The following ENAH variants were observed in gnomAD, a reference collection of about 807,000 sequenced individuals.
ENAH encodes the protein ENAH actin regulator.
In ENAH, 23 loss-of-function variants were observed where a neutral mutation model predicts 78.7. The observed-to-expected ratio is 0.29, with a 90% CI of 0.21 to 0.41. ENAH has a LOEUF of 0.41. Ranked by LOEUF, ENAH falls within the 10% of genes least tolerant of loss-of-function variation. ENAH has a pLI of 1.00. For missense variants in ENAH, 544 were observed against 691.0 expected, an observed-to-expected ratio of 0.79 and a Z score of 2.39; for synonymous variants, 226 against 241.0, an observed-to-expected ratio of 0.94 and a Z score of 0.58.
chr1:225,562,029 C>T (rs2096708745), intron 2 of ENAH, among the ~76,000 whole-genome samples: 1 of 152,036 alleles, frequency 6.6e-6, no homozygotes, highest in South Asian at 2.1e-4. Flanking sequence ...TTAACATCTC[C>T]ATCCTGCCTC....
chr1:225,535,874 A>G (rs912848145), intron 3 of ENAH, among the ~76,000 whole-genome samples: 1 of 152,124 alleles, frequency 6.6e-6, no homozygotes, highest in South Asian at 2.1e-4. Flanking sequence ...TTAGGGTTAT[A>G]TATTTTTAAA....
rs534333826 is a variant in ENAH, at chr1:225,540,018, A to G, written c.350-9380T>C. On this transcript the variant is annotated intron_variant, in intron 3 of 13. Coordinates refer to ENST00000366843, the MANE Select transcript of ENAH (RefSeq NM_018212.6). ...GAGATTTGAAAGGAGAGAAGTATAAATATAAAATTAGATAATATCAGATTT... is the reference window on the plus strand; with the variant it reads ...GAGATTTGAAAGGAGAGAAGTATAAGTATAAAATTAGATAATATCAGATTT... Among the ~76,000 whole-genome samples the G allele has an allele frequency of 5.9e-5, 9 of 152,364 alleles. No individual in the cohort carries two copies. In the East Asian group the frequency reaches 1.7e-3, roughly 29 times the overall value.
Position 225,604,015 on chromosome 1 carries a change from T to G in ENAH, c.6-36601A>C, listed in dbSNP as rs987316566. Among the ~76,000 whole-genome samples the G allele has an allele frequency of 3.9e-5, 6 of 152,214 alleles. No individual in the cohort carries two copies. The South Asian group carries it at 1.2e-3, about 32-fold the overall frequency. On this transcript the variant is annotated intron_variant, in intron 1 of 13. Coordinates refer to ENST00000366843, the MANE Select transcript of ENAH (RefSeq NM_018212.6). Reference sequence around the variant, plus strand: ...AGGGGTCACTCATTCTAAATCTTATTTATTCAAAACTTTTTGTGAGTGCTA... The same window carrying G: ...AGGGGTCACTCATTCTAAATCTTATGTATTCAAAACTTTTTGTGAGTGCTA...
chr1:225,598,163 C>A (rs2096911815), intron 1 of ENAH, among the ~76,000 whole-genome samples: 1 of 152,150 alleles, frequency 6.6e-6, no homozygotes, highest in African/African-American at 2.4e-5. Context: ...TGGTAGAGTT[C>A]TTCCACTTAC....
intron 1 of ENAH, among the ~76,000 whole-genome samples, chr1:225,634,392 A>T (rs1659671156): frequency 6.6e-6 from 1 of 152,288 alleles, no homozygotes; most frequent in South Asian, 2.1e-4. Context: ...GCCCTCATAA[A>T]CATCTGGCAG....
chr1:225,531,520 C>T (rs139996416), intron 3 of ENAH, among the ~76,000 whole-genome samples: 1 of 152,162 alleles, frequency 6.6e-6, no homozygotes, highest in Non-Finnish European at 1.5e-5. Flanking sequence ...ATCTTAAAGT[C>T]TAATCCAGTA....
At chr1:225,534,883 C>G (rs1037590886) in intron 3 of ENAH, among the ~76,000 whole-genome samples, 1 of 151,972 alleles carries the variant, frequency 6.6e-6, no homozygotes, top group Non-Finnish European at 1.5e-5. Flanking sequence ...AAGTGACATA[C>G]CTGGTTTGTC....
At position 225,570,950 on chromosome 1, in the gene ENAH, C is replaced by T. The variant is rs541410614; in HGVS notation, c.6-3536G>A. Among the ~76,000 whole-genome samples the T allele has an allele frequency of 3.3e-5, 5 of 151,944 alleles. No homozygotes were observed. The South Asian group carries it at 6.3e-4, about 19-fold the overall frequency. On this transcript the variant is annotated intron_variant, in intron 1 of 13. Coordinates refer to ENST00000366843, the MANE Select transcript of ENAH (RefSeq NM_018212.6). ...GACACTCCAGCCTAGGCAAGAAGAG[C>T]GAAACTCCGTCTCAAAAAGAATATG...
rs371918350 is a variant in ENAH, at chr1:225,530,522, G to T, written c.434+32C>A. On this transcript the variant is annotated intron_variant, in intron 4 of 13. Coordinates refer to ENST00000366843, the MANE Select transcript of ENAH (RefSeq NM_018212.6). Reference sequence around the variant, plus strand: ...TCAGTTTTGTCTTCTGAAGCATAAAGAAAAAGTACAAACAATAACTTGAAA... The same window carrying T: ...TCAGTTTTGTCTTCTGAAGCATAAATAAAAAGTACAAACAATAACTTGAAA... 5.0e-5 allele frequency: 77 copies of T among 1,554,410 alleles called. No homozygotes were observed. The African/African-American group carries it at 8.4e-4, about 17-fold the overall frequency.
At chr1:225,577,236 A>G (rs2096792835) in intron 1 of ENAH, among the ~76,000 whole-genome samples, 1 of 152,208 alleles carries the variant, frequency 6.6e-6, no homozygotes, top group African/African-American at 2.4e-5. Context: ...CTAACTAACC[A>G]CTATCACCAG....
intron 4 of ENAH, among the ~76,000 whole-genome samples, chr1:225,524,440 T>C (rs892747222): frequency 2.0e-5 from 3 of 152,226 alleles, no homozygotes; most frequent in African/African-American, 4.8e-5. Context: ...ACTGTTATTA[T>C]TGACATTTCT....
chr1:225,621,131 A>G (rs550958926), intron 1 of ENAH, among the ~76,000 whole-genome samples: 110 of 152,196 alleles, frequency 7.2e-4, no homozygotes, highest in African/African-American at 2.6e-3. Flanking sequence ...GAAAATCTTC[A>G]CCCATGTCCA....
intron 11 of ENAH, among the ~76,000 whole-genome samples, chr1:225,504,389 C>T (rs1281818596): frequency 6.6e-6 from 1 of 152,056 alleles, no homozygotes; most frequent in Non-Finnish European, 1.5e-5. Context: ...ATTTAAGTCC[C>T]TATTCTGTCA....
At chr1:225,524,854 A>G (rs2096493161) in intron 4 of ENAH, among the ~76,000 whole-genome samples, 1 of 152,232 alleles carries the variant, frequency 6.6e-6, no homozygotes, top group Non-Finnish European at 1.5e-5. Context: ...GCCAAGCCAA[A>G]TATTAATTAT....
intron 3 of ENAH, among the ~76,000 whole-genome samples, chr1:225,548,975 G>A (rs1249574463): frequency 3.3e-5 from 5 of 151,130 alleles, no homozygotes; most frequent in Non-Finnish European, 7.4e-5. Flanking sequence ...TCGGCCTCCC[G>A]AGTAATTGGG....
At chr1:225,542,151 G>T (rs892619121) in intron 3 of ENAH, among the ~76,000 whole-genome samples, 1 of 152,152 alleles carries the variant, frequency 6.6e-6, no homozygotes, top group Non-Finnish European at 1.5e-5. Flanking sequence ...TGAACTGCTG[G>T]GATTACAGGC....
At chr1:225,552,095 C>T (rs937617504) in intron 3 of ENAH, among the ~76,000 whole-genome samples, 4 of 148,704 alleles carry the variant, frequency 2.7e-5, no homozygotes, top group Non-Finnish European at 5.9e-5. Flanking sequence ...GGAGAATCTG[C>T]GTAAGAAATT....
rs143572222 is a variant in ENAH, at chr1:225,557,047, G to A, written c.172-1964C>T. ...TGTCTTAACTGTTGTAGCTTTATAC[G>A]AAATCTAGATGACCATTAGAGTGTG... On this transcript the variant is annotated intron_variant, in intron 2 of 13. Transcript: ENST00000366843. 9.7e-4 allele frequency among the ~76,000 whole-genome samples: 148 copies of A among 152,198 alleles called. 1 individual carries two copies. Among genetic ancestry groups the A allele is most frequent in the African/African-American group, 3.4e-3 (143 of 41,518 alleles).
chr1:225,640,057 A>G (rs1047235704), intron 1 of ENAH, among the ~76,000 whole-genome samples: 1 of 151,908 alleles, frequency 6.6e-6, no homozygotes, highest in South Asian at 2.1e-4. Flanking sequence ...TGAGATTACC[A>G]GGAGGTCAAA....
Sources: allele counts gnomAD v4.1 joint callset (sites outside exome capture counted in the v4.1 genomes callset), GRCh38; gene constraint gnomAD v4.1.1; transcripts MANE v1.5; gene names NCBI Gene and HGNC (gene_info 2026-07-23, HGNC 2026-07-21).